The following SMCHD1 variants were observed in gnomAD, a reference collection of about 807,000 sequenced individuals.
SMCHD1 encodes structural maintenance of chromosomes flexible hinge domain containing 1.
A neutral mutation model predicts 254.7 loss-of-function variants in SMCHD1; 78 were observed. The observed-to-expected ratio is 0.31, with a 90% CI of 0.26 to 0.37. The LOEUF (loss-of-function observed/expected upper bound fraction) is 0.37. SMCHD1 is among the 10% of genes least tolerant of loss of function. The pLI is 1.00. For missense variants in SMCHD1, 1,840 were observed against 2,408.1 expected (o/e 0.76, Z 4.94); for synonymous variants, 766 against 794.9 (o/e 0.96, Z 0.61).
chr18:2,712,582 G>C (rs534713375), intron 17 of SMCHD1, among the ~76,000 whole-genome samples: 1 of 152,200 alleles, frequency 6.6e-6, no homozygotes, highest in Non-Finnish European at 1.5e-5. Context: ...CACAGGAGTT[G>C]TATGTGCAGA....
At chr18:2,727,746 G>C (rs781482549) in intron 22 of SMCHD1, among the ~76,000 whole-genome samples, 1 of 152,020 alleles carries the variant, frequency 6.6e-6, no homozygotes, top group South Asian at 2.1e-4. Context: ...TGAAGTTTAC[G>C]TAAGAATAGT....
chr18:2,694,462 A>C, intron 7 of SMCHD1, 65 bp from the exon 8 acceptor site: 2 of 1,261,860 alleles, frequency 1.6e-6, no homozygotes, highest in Non-Finnish European at 2.2e-6. Context: ...AATTTGATGC[A>C]ATAGCTATTT....
intron 44 of SMCHD1, among the ~76,000 whole-genome samples, chr18:2,781,704 A>C (rs1364439302): frequency 2.6e-5 from 4 of 152,216 alleles, no homozygotes; most frequent in Admixed American, 2.6e-4. Context: ...GAGCTTCTAA[A>C]AATCAAAAGA....
At chr18:2,744,730 T>A (rs916793661) in intron 29 of SMCHD1, among the ~76,000 whole-genome samples, 10 of 152,256 alleles carry the variant, frequency 6.6e-5, no homozygotes, top group Non-Finnish European at 5.9e-5. Flanking sequence ...TTAATACTCC[T>A]AACTGAAATT....
chr18:2,708,181 A>G (rs796157649), intron 17 of SMCHD1, among the ~76,000 whole-genome samples: 43 of 152,294 alleles, frequency 2.8e-4, no homozygotes, highest in African/African-American at 9.6e-4. Context: ...ATGTAGAAGA[A>G]TTTGCAGTAG....
intron 31 of SMCHD1, 22 bp from the exon 32 acceptor site, chr18:2,750,328 C>A (rs1458194220): frequency 1.9e-6 from 3 of 1,589,650 alleles, no homozygotes; most frequent in South Asian, 2.3e-5. Context: ...ATTTGAACCC[C>A]TCTCCTCTTT....
At chr18:2,766,144 C>G (rs1380729362) in intron 37 of SMCHD1, among the ~76,000 whole-genome samples, 1 of 152,154 alleles carries the variant, frequency 6.6e-6, no homozygotes, top group Non-Finnish European at 1.5e-5. Context: ...CAGGCACCCA[C>G]CACCACATCT....
In SMCHD1 at chr18:2,666,232, G is replaced by A; in HGVS notation, c.262G>A (p.Asp88Asn). 6.8e-7 allele frequency: 1 copy of A among 1,460,494 alleles called. No homozygotes were observed. Among genetic ancestry groups the A allele is most frequent in the Non-Finnish European group, 9.5e-7 (1 of 1,051,738 alleles). The allele number at this position is 1,460,494 out of a possible 1,614,324, so 90.5% of individuals were successfully genotyped here. Reference protein sequence around the residue: ...SRKEITCDNFDETVKDGVTLY... With the variant: ...SRKEITCDNFNETVKDGVTLY... ...GAAAGAAATTACCTGTGATAATTTT[G>A]GTAGGTAAACAGTGTTACTAAGTTG... Residue 88 changes from aspartate (D) to asparagine (N), a missense_variant and splice_region_variant, in exon 2 of 48, where the codon GAT (aspartate) becomes AAT (asparagine). Around this residue, in one of 9 missense-constraint regions of SMCHD1, gnomAD observed 37 missense variants for 54.2 expected, o/e 0.68. Coordinates refer to ENST00000320876, the MANE Select transcript of SMCHD1 (RefSeq NM_015295.3).
chr18:2,750,456 A>G lies in SMCHD1; in HGVS notation c.4114A>G (p.Asn1372Asp), dbSNP rs1371441365. 6.2e-7 allele frequency: 1 copy of G among 1,611,000 alleles called. No homozygotes were observed. The change falls in exon 32 of 48, where the codon AAT becomes GAT. Residue 1372 changes from asparagine to aspartate, a missense_variant. Asn to Asp is a conservative substitution (Grantham distance 23). Coordinates refer to ENST00000320876, the MANE Select transcript of SMCHD1 (RefSeq NM_015295.3). Reference protein sequence around the residue: ...LPDPEKPVRLNVKYDKDASFL... With the variant: ...LPDPEKPVRLDVKYDKDASFL... ...AGACCCAGAAAAACCCGTTCGTCTC[A>G]ATGTTAAATATGACAAAGATGCATC...
At chr18:2,686,316 C>T (rs1245825625) in intron 5 of SMCHD1, among the ~76,000 whole-genome samples, 114 of 152,188 alleles carry the variant, frequency 7.5e-4, no homozygotes, top group Non-Finnish European at 2.8e-4. Flanking sequence ...GTTGCATTTT[C>T]AGACTTGGGA....
chr18:2,664,916 G>A (rs1000742569), intron 1 of SMCHD1, among the ~76,000 whole-genome samples: 2 of 152,170 alleles, frequency 1.3e-5, no homozygotes, highest in Non-Finnish European at 2.9e-5. Context: ...TAATTTGTCA[G>A]TGTTCAGAGT....
intron 3 of SMCHD1, among the ~76,000 whole-genome samples, chr18:2,671,522 C>T (rs1226665750): frequency 6.6e-6 from 1 of 151,420 alleles, no homozygotes; most frequent in African/African-American, 2.4e-5. Context: ...TCTTTCCCTA[C>T]TTCTGTTTCC....
rs553155476 is a variant in SMCHD1 at position 2,681,542 on chromosome 18, G to A, written c.639-6852G>A. ...CGAGGCCGCAGTAATCCATGATCAC[G>A]CCACTGCACTCCAGCCTGGGCGACT... On this transcript the variant is annotated intron_variant, in intron 5 of 47. Transcript: ENST00000320876. Among the ~76,000 whole-genome samples, 5 of 140,876 alleles carry A rather than the reference G, an allele frequency of 3.5e-5. No individual in the cohort carries two copies. The South Asian group carries it at 6.8e-4, about 19-fold the overall frequency. 92.4% of individuals were successfully genotyped at this position (140,876 alleles called of 152,430 possible).
chr18:2,768,866 A>T (rs925366911), intron 37 of SMCHD1, among the ~76,000 whole-genome samples: 2 of 138,404 alleles, frequency 1.4e-5, no homozygotes, highest in Non-Finnish European at 3.4e-5. Context: ...GTTGAAAACC[A>T]CATTCAGAAA....
At chr18:2,783,489 C>T (rs544515893) in intron 44 of SMCHD1, among the ~76,000 whole-genome samples, 2 of 152,224 alleles carry the variant, frequency 1.3e-5, no homozygotes, top group East Asian at 3.9e-4. Flanking sequence ...TTAATATTTT[C>T]TGAACCTTTT....
chr18:2,770,258 A>G (rs1176889856), intron 39 of SMCHD1, 150 bp downstream of exon 39: 1 of 723,192 alleles, frequency 1.4e-6, no homozygotes, highest in East Asian at 3.4e-5. Context: ...TGATACTGTC[A>G]TTGAGAATTC....
chr18:2,790,198 A>G (rs941094394), intron 45 of SMCHD1, among the ~76,000 whole-genome samples: 50 of 152,048 alleles, frequency 3.3e-4, no homozygotes, highest in African/African-American at 1.2e-3. Flanking sequence ...AAATAAAATA[A>G]TAACTCAAGA....
intron 44 of SMCHD1, among the ~76,000 whole-genome samples, chr18:2,783,359 C>T (rs989512966): frequency 2.0e-5 from 3 of 152,128 alleles, no homozygotes; most frequent in Non-Finnish European, 4.4e-5. Flanking sequence ...CAAGAAGGCC[C>T]TTTTTCCATA....
At position 2,735,671 on chromosome 18, in the gene SMCHD1, G is replaced by A. The variant is rs1286983476; in HGVS notation, c.3277-2726G>A. On this transcript the variant is annotated intron_variant, in intron 25 of 47. Coordinates refer to ENST00000320876, the MANE Select transcript of SMCHD1 (RefSeq NM_015295.3). ...AAATCAGTAACACAGTCCCATTTACGGTAGCCACAAAAAACACAAAATGCC... is the reference window on the plus strand; with the variant it reads ...AAATCAGTAACACAGTCCCATTTACAGTAGCCACAAAAAACACAAAATGCC... Among the ~76,000 whole-genome samples, 8 of 152,066 alleles carry A rather than the reference G, an allele frequency of 5.3e-5. 1 individual carries two copies. Among genetic ancestry groups the A allele is most frequent in the African/African-American group, 1.2e-4 (5 of 41,500 alleles).
Sources: gnomAD v4.1 joint callset for allele counts (sites outside exome capture counted in the v4.1 genomes callset) on GRCh38, gnomAD v4.1.1 for gene constraint, gnomAD v4.1.1 regional missense constraint, MANE v1.5 for transcripts, NCBI Gene and HGNC (gene_info 2026-07-23, HGNC 2026-07-21) for gene names.